Variants in LINGO2 observed in about 807,000 individuals in gnomAD.
LINGO2 encodes leucine-rich repeat and immunoglobulin-like domain-containing nogo receptor-interacting protein 2.
LINGO2 carries 14 observed loss-of-function variants against 30.6 expected under a neutral mutation model. The ratio of observed to expected loss-of-function variants is 0.46; its 90% confidence interval spans 0.30 to 0.72. LINGO2 has a LOEUF of 0.72. Among genes scored for constraint, LINGO2 ranks in the 30% least tolerant of loss-of-function variants. The probability of loss-of-function intolerance (pLI) is 0.07; values close to 1 mark genes in which losing one functional copy is unlikely to be tolerated. For missense variants in LINGO2, 729 were observed against 751.7 expected (o/e 0.97, Z 0.35); for synonymous variants, 317 against 288.5 (o/e 1.10, Z -1.00).
chr9:29,161,466 G>C, the LINGO2 span, among the ~76,000 whole-genome samples: 1 of 152,142 alleles, frequency 6.6e-6, no homozygotes, highest in Non-Finnish European at 1.5e-5. Flanking sequence ...AAGTATATCT[G>C]CACCCCTAGT....
intron 4 of LINGO2, among the ~76,000 whole-genome samples, chr9:28,171,135 CAAT>C (rs1028304456): frequency 6.6e-6 from 1 of 152,036 alleles, no homozygotes; most frequent in Non-Finnish European, 1.5e-5. Flanking sequence ...AGCTGTGGGA[CAAT>C]GAGTTGAATG....
the LINGO2 span, among the ~76,000 whole-genome samples, chr9:28,992,457 T>TGA: frequency 0.048 from 67 of 1,410 alleles, 3 homozygotes; most frequent in Admixed American, 0.11. Flanking sequence ...GACAGATCAA[T>TGA]GAGACAAAGT....
chr9:28,836,354 G>A, the LINGO2 span, among the ~76,000 whole-genome samples: 2 of 152,060 alleles, frequency 1.3e-5, no homozygotes, highest in Non-Finnish European at 1.5e-5. Flanking sequence ...TGCTCTTGTT[G>A]CCCAGGCTGG....
intron 4 of LINGO2, among the ~76,000 whole-genome samples, chr9:28,124,328 G>C (rs1010836365): frequency 1.3e-5 from 2 of 152,188 alleles, no homozygotes; most frequent in Non-Finnish European, 2.9e-5. Flanking sequence ...CAACATCTAA[G>C]ATAAGACTTT....
At chr9:29,198,849 C>T in the LINGO2 span, among the ~76,000 whole-genome samples, 1 of 152,068 alleles carries the variant, frequency 6.6e-6, no homozygotes, top group African/African-American at 2.4e-5. Flanking sequence ...TTCCAGATTT[C>T]CAGGGGCTGG....
At chr9:28,213,023 A>G (rs1212428096) in intron 4 of LINGO2, among the ~76,000 whole-genome samples, 1 of 151,576 alleles carries the variant, frequency 6.6e-6, no homozygotes. Flanking sequence ...ACTAAAATTT[A>G]TCTGTAATTT....
At chr9:28,262,848 C>T (rs938883687) in intron 4 of LINGO2, among the ~76,000 whole-genome samples, 1 of 151,976 alleles carries the variant, frequency 6.6e-6, no homozygotes, top group Non-Finnish European at 1.5e-5. Flanking sequence ...CAGTAAGAGA[C>T]ATCTCCTGGG....
intron 4 of LINGO2, among the ~76,000 whole-genome samples, chr9:28,041,641 G>A (rs1299005625): frequency 5.9e-5 from 9 of 152,104 alleles, no homozygotes; most frequent in East Asian, 1.9e-4. Flanking sequence ...AGTAAATCAT[G>A]GAAGAAAAAT....
chr9:28,959,616 A>T, the LINGO2 span, among the ~76,000 whole-genome samples: 1,128 of 94,520 alleles, frequency 0.012, 8 homozygotes, highest in Middle Eastern at 0.028. Context: ...TCTCCCTCAC[A>T]CACACACACA....
At chr9:28,426,219 T>G (rs1172096833) in intron 2 of LINGO2, among the ~76,000 whole-genome samples, 1 of 151,842 alleles carries the variant, frequency 6.6e-6, no homozygotes, top group Non-Finnish European at 1.5e-5. Context: ...TGGGGAAAAA[T>G]GATAAATAGC....
chr9:29,098,306 T>G, the LINGO2 span, among the ~76,000 whole-genome samples: 1 of 152,200 alleles, frequency 6.6e-6, no homozygotes, highest in African/African-American at 2.4e-5. Flanking sequence ...CTGCTTACAC[T>G]TTAATTATTT....
At chr9:28,682,581 C>T in the LINGO2 span, among the ~76,000 whole-genome samples, 472 of 152,062 alleles carry the variant, frequency 3.1e-3, no homozygotes, top group Non-Finnish European at 5.6e-3. Flanking sequence ...TTTTATAAGA[C>T]AATTTCACGA....
intron 1 of LINGO2, among the ~76,000 whole-genome samples, chr9:28,589,956 G>C (rs575035025): frequency 1.3e-5 from 2 of 152,172 alleles, no homozygotes; most frequent in South Asian, 4.2e-4. Flanking sequence ...CCAAAACAGA[G>C]ATATAGACCA....
At chr9:28,324,174 C>A (rs568772923) in intron 3 of LINGO2, among the ~76,000 whole-genome samples, 1 of 152,124 alleles carries the variant, frequency 6.6e-6, no homozygotes, top group Non-Finnish European at 1.5e-5. Context: ...CTGGCTTGCA[C>A]GGGCCCCTGT....
intron 1 of LINGO2, among the ~76,000 whole-genome samples, chr9:28,649,581 T>C (rs370788273): frequency 5.9e-5 from 8 of 135,830 alleles, no homozygotes; most frequent in African/African-American, 2.2e-4. Context: ...ACAACTTAAA[T>C]CAGTTAAAAA....
chr9:28,191,384 G>A (rs1246131803), intron 4 of LINGO2, among the ~76,000 whole-genome samples: 2 of 152,164 alleles, frequency 1.3e-5, no homozygotes, highest in Non-Finnish European at 2.9e-5. Flanking sequence ...CAAATCTGCA[G>A]CTGAGAGTCT....
In LINGO2 at chr9:28,613,476, A is replaced by G. The variant is rs117053970; in HGVS notation, c.-365+56724T>C. Among the ~76,000 whole-genome samples the G allele has an allele frequency of 8.7e-3, 1,265 of 145,482 alleles. 28 individuals carry two copies. The highest frequency in any genetic ancestry group is 0.054 in the East Asian group (271 of 4,982). ...CCATATGATATATATATATTTATCTACTATGAAAACACACACACACACACA... is the reference window on the plus strand; with the variant it reads ...CCATATGATATATATATATTTATCTGCTATGAAAACACACACACACACACA... On this transcript the variant is annotated intron_variant, in intron 1 of 5. Coordinates refer to ENST00000379992, the Ensembl canonical transcript of LINGO2.
At chr9:28,556,006 T>C (rs930205597) in intron 1 of LINGO2, among the ~76,000 whole-genome samples, 1 of 151,964 alleles carries the variant, frequency 6.6e-6, no homozygotes, top group Non-Finnish European at 1.5e-5. Flanking sequence ...CAAAATAATA[T>C]GAGCTATCTA....
At chr9:29,129,829 A>G in the LINGO2 span, among the ~76,000 whole-genome samples, 1 of 152,230 alleles carries the variant, frequency 6.6e-6, no homozygotes, top group Non-Finnish European at 1.5e-5. Flanking sequence ...GTTTTGTATG[A>G]GAAAGGATAT....
Sources: allele counts gnomAD v4.1 joint callset (sites outside exome capture counted in the v4.1 genomes callset), GRCh38; gene constraint gnomAD v4.1.1; transcripts MANE v1.5; gene names NCBI Gene and HGNC (gene_info 2026-07-23, HGNC 2026-07-21).